The following ENTREP3 variants were observed in gnomAD, a reference collection of about 807,000 sequenced individuals.
ENTREP3 encodes the protein protein ENTREP3.
the ENTREP3 span, chr1:155,251,765 C>G: frequency 6.2e-7 from 1 of 1,610,312 alleles, no homozygotes; most frequent in Non-Finnish European, 8.5e-7. Context: ...TGCAGGTATA[C>G]TCTGGGGGAT....
At chr1:155,250,720 C>T in the ENTREP3 span, 5 of 1,613,018 alleles carry the variant, frequency 3.1e-6, no homozygotes, top group East Asian at 2.2e-5. This position sits in a 1 kb window ranked among gnomAD's most constrained non-coding sequence, Gnocchi z 5.4. Flanking sequence ...ACGGAGCGCA[C>T]GGAGCCCTGC....
the ENTREP3 span, chr1:155,248,452 G>T: frequency 1.2e-6 from 2 of 1,613,826 alleles, no homozygotes; most frequent in Non-Finnish European, 1.7e-6. Flanking sequence ...AAGCACTTTG[G>T]TATAAAGGTC....
chr1:155,253,557 G>A, the ENTREP3 span: 2 of 1,082,280 alleles, frequency 1.8e-6, no homozygotes, highest in Non-Finnish European at 2.8e-6. Flanking sequence ...GTTCCCTCAG[G>A]CAAGTCTCAG....
At chr1:155,250,058 TC>T in the ENTREP3 span, among the ~76,000 whole-genome samples, 1 of 148,400 alleles carries the variant, frequency 6.7e-6, no homozygotes, top group Non-Finnish European at 1.5e-5. The surrounding 1 kb of genome is among the most constrained non-coding windows in gnomAD (Gnocchi z 5.4). Context: ...AGACTCCGTC[TC>T]AAAAAAAAAA....
At chr1:155,247,925 G>C in the ENTREP3 span, 1 of 1,596,804 alleles carries the variant, frequency 6.3e-7, no homozygotes, top group Non-Finnish European at 8.5e-7. Context: ...AGGCTCTCTC[G>C]GCCAGGCCGG....
the ENTREP3 span, chr1:155,251,111 C>T: frequency 1.9e-6 from 3 of 1,612,780 alleles, no homozygotes; most frequent in Non-Finnish European, 2.5e-6. Context: ...CAATGGAGGC[C>T]ACTCGTTCAC....
chr1:155,252,718 A>AT, the ENTREP3 span: 175 of 42,600 alleles, frequency 4.1e-3, 3 homozygotes, highest in Non-Finnish European at 5.7e-3. Flanking sequence ...ATATATATAT[A>AT]TATATTTTTT....
the ENTREP3 span, chr1:155,253,584 C>G: frequency 7.0e-7 from 1 of 1,437,372 alleles, no homozygotes; most frequent in Non-Finnish European, 9.7e-7. Flanking sequence ...CACCCCTGCC[C>G]CCACCATACC....
chr1:155,252,730 T>A, the ENTREP3 span: 28 of 76,072 alleles, frequency 3.7e-4, no homozygotes, highest in South Asian at 1.6e-3. Flanking sequence ...ATATTTTTTT[T>A]TTTTTTTTTT....
chr1:155,250,839 C>T, the ENTREP3 span: 20 of 1,583,184 alleles, frequency 1.3e-5, no homozygotes, highest in Middle Eastern at 1.7e-4. This position sits in a 1 kb window ranked among gnomAD's most constrained non-coding sequence, Gnocchi z 5.4. Context: ...CGGCAGGGGG[C>T]GCTGTGTAGC....
chr1:155,251,648 C>G, the ENTREP3 span: 16 of 1,604,806 alleles, frequency 1.0e-5, no homozygotes, highest in African/African-American at 1.6e-4. Flanking sequence ...AATTCCCCCT[C>G]CACAAAGATC....
At chr1:155,253,554 C>T in the ENTREP3 span, 9 of 1,049,284 alleles carry the variant, frequency 8.6e-6, no homozygotes, top group African/African-American at 1.3e-4. Context: ...ATTGTTCCCT[C>T]AGGCAAGTCT....
the ENTREP3 span, among the ~76,000 whole-genome samples, chr1:155,249,778 C>T: frequency 1.5e-4 from 23 of 151,134 alleles, no homozygotes; most frequent in African/African-American, 3.9e-4. Context: ...ACTCACTACT[C>T]GGGAGGCTGA....
the ENTREP3 span, chr1:155,251,237 G>A: frequency 4.9e-6 from 6 of 1,235,060 alleles, no homozygotes; most frequent in Non-Finnish European, 6.8e-6. Flanking sequence ...GAGCTCTGGA[G>A]ACTTAGATTC....
the ENTREP3 span, chr1:155,254,157 A>G: frequency 6.2e-7 from 1 of 1,614,124 alleles, no homozygotes; most frequent in Non-Finnish European, 8.5e-7. This position sits in a 1 kb window ranked among gnomAD's most constrained non-coding sequence, Gnocchi z 4.4. Context: ...CATGCTAAGC[A>G]TGACACAGAG....
At chr1:155,254,625 C>G in the ENTREP3 span, 1 of 1,600,444 alleles carries the variant, frequency 6.2e-7, no homozygotes, top group South Asian at 1.1e-5. This position sits in a 1 kb window ranked among gnomAD's most constrained non-coding sequence, Gnocchi z 4.4. Flanking sequence ...GGAGCCTCCC[C>G]CACCCAACAA....
the ENTREP3 span, chr1:155,247,696 G>T: frequency 1.6e-6 from 2 of 1,282,118 alleles, no homozygotes; most frequent in Non-Finnish European, 2.1e-6. Context: ...TTTTGTGCCA[G>T]CCAGTGCAAG....
At chr1:155,254,804 C>T in the ENTREP3 span, 9 of 1,611,590 alleles carry the variant, frequency 5.6e-6, no homozygotes, top group East Asian at 2.2e-5. The surrounding 1 kb of genome is among the most constrained non-coding windows in gnomAD (Gnocchi z 4.4). Flanking sequence ...TCGGTGGAGG[C>T]GGAGGTGGGT....
chr1:155,248,365 G>A, the ENTREP3 span: 6 of 1,613,964 alleles, frequency 3.7e-6, no homozygotes, highest in South Asian at 5.5e-5. Flanking sequence ...GGGCAGCCAT[G>A]CCCAATCCCC....
Sources: gnomAD v4.1 joint callset for allele counts (sites outside exome capture counted in the v4.1 genomes callset) on GRCh38, gnomAD v4.1.1 for gene constraint, Gnocchi (gnomAD v3.1) non-coding constraint, MANE v1.5 for transcripts, NCBI Gene and HGNC (gene_info 2026-07-23, HGNC 2026-07-21) for gene names.